COL6A1: variants seen among roughly 807,000 people sequenced by gnomAD.
The protein encoded by COL6A1 is collagen type VI alpha 1 chain.
Under a neutral mutation model 145.6 loss-of-function variants are expected in COL6A1, and 80 were observed. The observed-to-expected ratio is 0.55, with a 90% CI of 0.46 to 0.66. The LOEUF (loss-of-function observed/expected upper bound fraction) is 0.66, where lower values mean the gene tolerates loss of function less well. Ranked by LOEUF, COL6A1 falls within the 30% of genes least tolerant of loss-of-function variation. The pLI, the probability that COL6A1 is intolerant of heterozygous loss-of-function variation, is 0.00. For synonymous variants in COL6A1, 638 were observed against 622.8 expected, an observed-to-expected ratio of 1.02 and a Z score of -0.36; for missense variants, 1,364 against 1,473.8, an observed-to-expected ratio of 0.93 and a Z score of 1.22.
rs1315626031 is a variant in COL6A1, at chr21:46,003,432, G to C, written c.2506G>C (p.Gly836Arg). ...GGCTGACATCACCATCCTGCTGGAC[G>C]GCTCCGCCAGCGTGGGCAGCCACAA... ...SPADITILLD[G>R]SASVGSHNFD... The change falls in exon 35 of 35, where the codon GGC becomes CGC. Residue 836 changes from glycine (G) to arginine (R), a missense_variant. Around this residue, in one of 3 missense-constraint regions of COL6A1, gnomAD observed 938 missense variants for 1,003.8 expected, o/e 0.93. Coordinates refer to ENST00000361866, the MANE Select transcript of COL6A1 (RefSeq NM_001848.3). 4 of 1,603,062 alleles carry C rather than the reference G, an allele frequency of 2.5e-6. No individual in the cohort carries two copies. The highest frequency in any genetic ancestry group is 3.4e-6 in the Non-Finnish European group (4 of 1,179,740).
Position 45,992,172 on chromosome 21 carries a change from G to A in COL6A1, c.1191G>A (p.Pro397=), listed in dbSNP as rs531640667. The stretch of plus-strand genomic sequence containing the variant: ...ACCCTTGTTCCCCACAGGGCCAGCC[G>A]GGAGAGCCTGGGCCCCCCGGAGAGA... ...SSGPSGDEGQ[P]GEPGPPGEKG... is the part of the protein sequence containing the mutation. The change falls in exon 17 of 35, where the codon CCG becomes CCA. Residue 397 remains proline, a synonymous_variant. Transcript: ENST00000361866. 22 of 1,613,610 alleles carry A rather than the reference G, an allele frequency of 1.4e-5. No homozygotes were observed. The highest frequency in any genetic ancestry group is 6.7e-5 in the East Asian group (3 of 44,886).
rs572027835 is a variant in COL6A1 at position 45,989,921 on chromosome 21, C to T, written c.930+143C>T. 5 of 1,156,524 alleles carry T rather than the reference C, an allele frequency of 4.3e-6. No homozygotes were observed. In the East Asian group the frequency reaches 1.2e-4, roughly 29 times the overall value. The allele number at this position is 1,156,524 out of a possible 1,614,324, so 71.6% of individuals were successfully genotyped here. A position where few individuals can be genotyped will look rare whatever the true frequency, so the allele number is the denominator to read the frequency against. On this transcript the variant is annotated intron_variant, in intron 11 of 34. Transcript: ENST00000361866. ...CCGCTCCACCGCCCCTCGCCGTCCC[C>T]TCCATCTGGAAGGACAAGGACAGCC...
At chr21:45,984,195 C>A in intron 2 of COL6A1, 74 bp from the exon 3 acceptor site, 2 of 1,418,802 alleles carry the variant, frequency 1.4e-6, no homozygotes, top group Non-Finnish European at 1.9e-6. Context: ...ATCTGGGTGA[C>A]GTCGCGCCCT....
At chr21:45,982,790 T>G in intron 2 of COL6A1, 27 bp downstream of exon 2, 6 of 1,609,664 alleles carry the variant, frequency 3.7e-6, no homozygotes, top group Non-Finnish European at 5.1e-6. Flanking sequence ...GTGACCTTCC[T>G]CCTGTGCTTC....
chr21:45,990,303 G>A lies in COL6A1; in HGVS notation c.957+19G>A. Reference sequence around the variant, plus strand: ...CTACAAGGTGAGCGTGGGCTGCTGGGAGGGGGGAGTTCTGCCCCCACGGCA... The same window carrying A: ...CTACAAGGTGAGCGTGGGCTGCTGGAAGGGGGGAGTTCTGCCCCCACGGCA... On this transcript the variant is annotated intron_variant, in intron 12 of 34. Coordinates refer to ENST00000361866, the MANE Select transcript of COL6A1 (RefSeq NM_001848.3). 6.2e-7 allele frequency: 1 copy of A among 1,612,846 alleles called. No homozygotes were observed.
chr21:46,000,741 T>C lies in COL6A1; in HGVS notation c.1814-18T>C, dbSNP rs530360168. The C allele has an allele frequency of 1.7e-5, 27 of 1,613,948 alleles. 1 individual carries two copies. The Admixed American group carries it at 2.2e-4, about 13-fold the overall frequency. On this transcript the variant is annotated intron_variant, in intron 28 of 34. Coordinates refer to ENST00000361866, the MANE Select transcript of COL6A1 (RefSeq NM_001848.3). ...CGCGGCCCTGACTGGTCTAACTGAC[T>C]CTTTCTCTTCTCCTCAGCTTGCTGT...
At chr21:45,985,351 G>A (rs1452857473) in intron 3 of COL6A1, among the ~76,000 whole-genome samples, 1 of 151,222 alleles carries the variant, frequency 6.6e-6, no homozygotes, top group Non-Finnish European at 1.5e-5. Context: ...CAAAGACAGA[G>A]GCAGAGAGAC....
intron 19 of COL6A1, among the ~76,000 whole-genome samples, chr21:45,993,540 G>A (rs938324050): frequency 3.3e-5 from 5 of 152,240 alleles, no homozygotes; most frequent in Admixed American, 6.5e-5. Context: ...CAAGACATGC[G>A]ACTGTCGTGT....
chr21:46,000,484 G>A, intron 28 of COL6A1, 117 bp downstream of exon 28: 1 of 1,325,948 alleles, frequency 7.5e-7, no homozygotes, highest in African/African-American at 1.4e-5. Context: ...GTACATCCTT[G>A]AGGAGGCTCC....
intron 3 of COL6A1, 63 bp from the exon 4 acceptor site, chr21:45,986,463 C>A: frequency 6.6e-7 from 1 of 1,517,298 alleles, no homozygotes; most frequent in Non-Finnish European, 8.9e-7. Context: ...CCCGGACAGG[C>A]TTGGGTCTCC....
intron 3 of COL6A1, among the ~76,000 whole-genome samples, chr21:45,986,077 T>G (rs2077737410): frequency 6.6e-6 from 1 of 152,152 alleles, no homozygotes; most frequent in African/African-American, 2.4e-5. Context: ...GGGGGTTGGA[T>G]TTGGGGCATT....
intron 27 of COL6A1, 104 bp downstream of exon 27, chr21:45,999,796 GGGGT>G: frequency 1.0e-6 from 1 of 963,408 alleles, no homozygotes; most frequent in Non-Finnish European, 1.5e-6. Flanking sequence ...TGCTCACGGG[GGGGT>G]GGGTTGTGGA....
chr21:45,989,272 A>G (rs1603590540), intron 9 of COL6A1, 135 bp downstream of exon 9: 2 of 989,212 alleles, frequency 2.0e-6, no homozygotes, highest in South Asian at 3.2e-5. Flanking sequence ...GTGGGAGCAG[A>G]CCTGGAGGGG....
In COL6A1 at chr21:46,003,619, C is replaced by T. The variant is rs752473048; in HGVS notation, c.2693C>T (p.Thr898Met). Residue 898 changes from threonine to methionine, a missense_variant, in exon 35 of 35, where the codon ACG becomes ATG. Physicochemically the swap from Thr to Met is moderately conservative, Grantham distance 81. Around this residue, in one of 3 missense-constraint regions of COL6A1, gnomAD observed 938 missense variants for 1,003.8 expected, o/e 0.93. Coordinates refer to ENST00000361866, the MANE Select transcript of COL6A1 (RefSeq NM_001848.3). Reference protein sequence around the residue: ...RASLQFLQNYTALASAVDAMD... With the variant: ...RASLQFLQNYMALASAVDAMD... Reference sequence around the variant, plus strand: ...TCGCTGCAGTTCCTGCAGAACTACACGGCCCTGGCCAGTGCCGTCGATGCC... The same window carrying T: ...TCGCTGCAGTTCCTGCAGAACTACATGGCCCTGGCCAGTGCCGTCGATGCC... The T allele has an allele frequency of 3.7e-6, 6 of 1,612,932 alleles. No individual in the cohort carries two copies. Among genetic ancestry groups the T allele is most frequent in the Admixed American group, 3.3e-5 (2 of 60,030 alleles).
Position 45,992,189 on chromosome 21 carries a change from C to T in COL6A1, c.1208C>T (p.Pro403Leu). 1 of 1,613,838 alleles carries T rather than the reference C, an allele frequency of 6.2e-7. No homozygotes were observed. The highest frequency in any genetic ancestry group is 8.5e-7 in the Non-Finnish European group (1 of 1,180,020). The change falls in exon 17 of 35, where the codon CCC becomes CTC. Residue 403 changes from proline to leucine, a missense_variant. Physicochemically the swap from Pro to Leu is moderately conservative, Grantham distance 98 (BLOSUM62 -3). Transcript: ENST00000361866. ...DEGQPGEPGP[P>L]GEKGEAGDEG... is the part of the protein sequence containing the mutation. ...GGCCAGCCGGGAGAGCCTGGGCCCC[C>T]CGGAGAGAAAGGAGAGGCGGGCGAC...
chr21:46,004,743 G>T lies in COL6A1; in HGVS notation c.*730G>T, dbSNP rs148562276. On this transcript the variant is annotated 3_prime_UTR_variant, in exon 35 of 35. Transcript: ENST00000361866. ...GCCGCTGCTGACCAGCACTGACCCC[G>T]ACCTCAGAGAGTACTCGCAGGGGCG... 1 of 443,564 alleles carries T rather than the reference G, an allele frequency of 2.3e-6. No homozygotes were observed. The highest frequency in any genetic ancestry group is 4.6e-6 in the Non-Finnish European group (1 of 219,042). The allele number at this position is 443,564 out of a possible 1,614,324, so 27.5% of individuals were successfully genotyped here.
chr21:45,984,411 G>C lies in COL6A1; in HGVS notation c.370G>C (p.Gly124Arg). The C allele has an allele frequency of 6.2e-7, 1 of 1,612,602 alleles. No homozygotes were observed. Among genetic ancestry groups the C allele is most frequent in the South Asian group, 1.1e-5 (1 of 91,082 alleles). Residue 124 changes from glycine (G) to arginine (R), a missense_variant, in exon 3 of 35, where the codon GGG becomes CGG. Gly to Arg is a moderately radical substitution (Grantham distance 125). This residue lies in a region of COL6A1 where 414 missense variants were observed against 437.6 expected (regional missense o/e 0.95). Coordinates refer to ENST00000361866, the MANE Select transcript of COL6A1 (RefSeq NM_001848.3). ...CAGCGTGGACGCGGTCAAGTACTTT[G>C]GGAAGGGCACCTACACCGACTGCGC... Reference protein sequence around the residue: ...KSSVDAVKYFGKGTYTDCAIK... With the variant: ...KSSVDAVKYFRKGTYTDCAIK...
intron 8 of COL6A1, 143 bp from the exon 9 acceptor site, chr21:45,988,941 C>T (rs1285967199): frequency 3.3e-6 from 3 of 921,782 alleles, no homozygotes; most frequent in African/African-American, 1.7e-5. Flanking sequence ...CAGACCCAGG[C>T]TGACCAGATG....
intron 23 of COL6A1, 32 bp downstream of exon 23, chr21:45,998,203 A>G (rs771853865): frequency 1.2e-5 from 20 of 1,609,568 alleles, no homozygotes; most frequent in Admixed American, 6.7e-5. Context: ...CCACAGGAAC[A>G]TGCCCAAGCT....
Sources: allele counts gnomAD v4.1 joint callset (sites outside exome capture counted in the v4.1 genomes callset), GRCh38; gene constraint gnomAD v4.1.1; regional missense constraint gnomAD v4.1.1; transcripts MANE v1.5; gene names NCBI Gene and HGNC (gene_info 2026-07-23, HGNC 2026-07-21).